The following MYO3B variants were observed in gnomAD, a reference collection of about 807,000 sequenced individuals.
MYO3B encodes the protein myosin IIIB.
In MYO3B, 156 loss-of-function variants were observed where a neutral mutation model predicts 174.6. That is an observed-to-expected ratio of 0.89 (90% confidence interval 0.78 to 1.02). The LOEUF is 1.02. Among genes scored for constraint, MYO3B ranks in the 50% least tolerant of loss-of-function variants. MYO3B has a pLI of 0.00. For missense variants in MYO3B, 1,632 were observed against 1,639.4 expected, an observed-to-expected ratio of 1.00 and a Z score of 0.08; for synonymous variants, 563 against 569.1, an observed-to-expected ratio of 0.99 and a Z score of 0.15.
chr2:170,554,798 G>A (rs957785994), intron 32 of MYO3B, among the ~76,000 whole-genome samples: 3 of 152,282 alleles, frequency 2.0e-5, no homozygotes, highest in South Asian at 2.1e-4. Context: ...AACACAAGGC[G>A]GGTGGTGTGT....
intron 7 of MYO3B, among the ~76,000 whole-genome samples, chr2:170,300,099 G>A (rs1315526991): frequency 6.6e-6 from 1 of 152,142 alleles, no homozygotes; most frequent in Non-Finnish European, 1.5e-5. Flanking sequence ...GTGCCGATAG[G>A]GCAGACATTA....
At chr2:170,247,322 C>T (rs2093202093) in intron 7 of MYO3B, among the ~76,000 whole-genome samples, 2 of 131,298 alleles carry the variant, frequency 1.5e-5, no homozygotes, top group East Asian at 7.5e-4. Flanking sequence ...TTCAGGTGTC[C>T]ATCTGGGCAA....
intron 32 of MYO3B, among the ~76,000 whole-genome samples, chr2:170,563,425 G>A (rs1691871954): frequency 6.6e-6 from 1 of 152,164 alleles, no homozygotes; most frequent in East Asian, 1.9e-4. Flanking sequence ...ATGACCTTCA[G>A]TTAAGGACAC....
chr2:170,256,266 A>C (rs888764621), intron 7 of MYO3B, among the ~76,000 whole-genome samples: 2 of 152,224 alleles, frequency 1.3e-5, no homozygotes, highest in Non-Finnish European at 2.9e-5. Context: ...GTTAATATGC[A>C]AATTCAAAAA....
intron 30 of MYO3B, among the ~76,000 whole-genome samples, chr2:170,534,847 T>A (rs1229815006): frequency 6.6e-6 from 1 of 152,228 alleles, no homozygotes; most frequent in Non-Finnish European, 1.5e-5. Context: ...AATATATTGC[T>A]AAATCTACCA....
At chr2:170,530,767 C>G (rs1559088876) in intron 30 of MYO3B, among the ~76,000 whole-genome samples, 1 of 152,142 alleles carries the variant, frequency 6.6e-6, no homozygotes, top group Non-Finnish European at 1.5e-5. Flanking sequence ...TAGCATGAAG[C>G]ATCCTTTCAC....
chr2:170,641,885 C>A, intron 32 of MYO3B, among the ~76,000 whole-genome samples: 4 of 125,896 alleles, frequency 3.2e-5, no homozygotes, highest in African/African-American at 3.7e-5. Flanking sequence ...GGGCGGGGAG[C>A]CATAACCCAA....
At chr2:170,505,494 C>T (rs1359971211) in intron 28 of MYO3B, among the ~76,000 whole-genome samples, 2 of 152,118 alleles carry the variant, frequency 1.3e-5, no homozygotes, top group African/African-American at 4.8e-5. Context: ...GACCTTGATT[C>T]CATTACTAAT....
chr2:170,498,702 AG>A lies in MYO3B; in HGVS notation c.3126+1del. On this transcript the variant is annotated frameshift_variant and splice_region_variant, in exon 26 of 35. Transcript: ENST00000408978. LOFTEE classifies it high-confidence loss of function. ...RLDHWVLGKT[K>X]VFLKYYHVEQ... ...GATCACTGGGTACTGGGAAAAACAA[AG>A]GTAGTTCGTTCTTTATTGTTCAAAT... 3 of 1,573,042 alleles carry A rather than the reference AG, an allele frequency of 1.9e-6. No individual in the cohort carries two copies. Among genetic ancestry groups the A allele is most frequent in the Non-Finnish European group, 2.6e-6 (3 of 1,142,938 alleles).
intron 28 of MYO3B, among the ~76,000 whole-genome samples, chr2:170,513,672 A>G (rs996590110): frequency 4.6e-5 from 7 of 152,322 alleles, no homozygotes; most frequent in Non-Finnish European, 5.9e-5. Context: ...AGGTGCTTTC[A>G]TATCTTTAAT....
At chr2:170,581,155 C>T (rs1183452911) in intron 32 of MYO3B, among the ~76,000 whole-genome samples, 1 of 152,118 alleles carries the variant, frequency 6.6e-6, no homozygotes, top group African/African-American at 2.4e-5. Flanking sequence ...GATGAACCTT[C>T]CTTTTCTCCA....
In MYO3B at chr2:170,601,619, A is replaced by G. The variant is rs1288694497; in HGVS notation, c.3734-50009A>G. 16 of 1,234,876 alleles carry G rather than the reference A, an allele frequency of 1.3e-5. No individual in the cohort carries two copies. The African/African-American group carries it at 1.5e-4, about 11-fold the overall frequency. 76.5% of individuals were successfully genotyped at this position (1,234,876 alleles called of 1,614,324 possible). A position where few individuals can be genotyped will look rare whatever the true frequency, so the allele number is the denominator to read the frequency against. On this transcript the variant is annotated intron_variant, in intron 32 of 34. Transcript: ENST00000408978. ...CTAGGCTAGAACCAACTTATTCATC[A>G]TCATCTTCTTCATCTTCCTCCTCAT...
chr2:170,258,710 G>A (rs1003229431), intron 7 of MYO3B, among the ~76,000 whole-genome samples: 2 of 152,120 alleles, frequency 1.3e-5, no homozygotes, highest in Admixed American at 6.5e-5. Flanking sequence ...TCTAGCCAGA[G>A]CAGTCAGAGG....
At chr2:170,326,349 C>T (rs1489995470) in intron 7 of MYO3B, among the ~76,000 whole-genome samples, 1 of 152,052 alleles carries the variant, frequency 6.6e-6, no homozygotes, top group Non-Finnish European at 1.5e-5. Flanking sequence ...TATGCATTTA[C>T]AAATGTGTGT....
chr2:170,558,891 T>C (rs1362276905), intron 32 of MYO3B, among the ~76,000 whole-genome samples: 2 of 152,174 alleles, frequency 1.3e-5, no homozygotes, highest in Non-Finnish European at 2.9e-5. Flanking sequence ...ATCTCCAAAA[T>C]AGGAATAGTA....
Position 170,450,914 on chromosome 2 carries a change from A to G in MYO3B, c.2730+6868A>G, listed in dbSNP as rs553719533. ...TTGAGCTATAGAAAAATACTAAACAATTCCCTTCAACTCTTAGCCAACTTG... is the reference window on the plus strand; with the variant it reads ...TTGAGCTATAGAAAAATACTAAACAGTTCCCTTCAACTCTTAGCCAACTTG... On this transcript the variant is annotated intron_variant, in intron 23 of 34. Transcript: ENST00000408978. 1.3e-3 allele frequency among the ~76,000 whole-genome samples: 195 copies of G among 152,284 alleles called. 1 individual carries two copies. Among genetic ancestry groups the G allele is most frequent in the South Asian group, 3.5e-3 (17 of 4,822 alleles).
chr2:170,491,859 G>T (rs148999954), intron 25 of MYO3B, among the ~76,000 whole-genome samples: 1,695 of 152,248 alleles, frequency 0.011, 42 homozygotes, highest in African/African-American at 0.039. Flanking sequence ...TTCAAGACCA[G>T]CCTGGTCAAT....
At chr2:170,496,201 T>A (rs1321300543) in intron 25 of MYO3B, among the ~76,000 whole-genome samples, 3 of 152,138 alleles carry the variant, frequency 2.0e-5, no homozygotes, top group East Asian at 1.9e-4. Context: ...TGAATGCAAA[T>A]GTTTCCAGCA....
intron 30 of MYO3B, among the ~76,000 whole-genome samples, chr2:170,524,346 G>T (rs1019660654): frequency 6.6e-6 from 1 of 152,162 alleles, no homozygotes; most frequent in Admixed American, 6.6e-5. Context: ...TCAGCTAGTC[G>T]AGGAATCACT....
Sources: gnomAD v4.1 joint callset for allele counts (sites outside exome capture counted in the v4.1 genomes callset) on GRCh38, gnomAD v4.1.1 for gene constraint, MANE v1.5 for transcripts, NCBI Gene and HGNC (gene_info 2026-07-23, HGNC 2026-07-21) for gene names.